Variants in RAP1GAP observed in about 807,000 individuals in gnomAD.
RAP1GAP encodes rap1 GTPase-activating protein 1.
A neutral mutation model predicts 87.2 loss-of-function variants in RAP1GAP; 35 were observed. The ratio of observed to expected loss-of-function variants is 0.40; its 90% CI spans 0.31 to 0.53. The LOEUF is 0.53. Among genes scored for constraint, RAP1GAP ranks in the 20% least tolerant of loss-of-function variants. RAP1GAP has a pLI of 0.48. For missense variants in RAP1GAP, 734 were observed against 898.9 expected (o/e 0.82, Z 2.35); for synonymous variants, 375 against 363.9 (o/e 1.03, Z -0.35).
chr1:21,664,169 C>T (rs2097260007), intron 1 of RAP1GAP, among the ~76,000 whole-genome samples: 1 of 152,198 alleles, frequency 6.6e-6, no homozygotes, highest in Non-Finnish European at 1.5e-5. Flanking sequence ...CTCATAGCAA[C>T]CTAGTTCCCG....
At chr1:21,665,827 G>A (rs1289903733) in intron 1 of RAP1GAP, among the ~76,000 whole-genome samples, 1 of 152,246 alleles carries the variant, frequency 6.6e-6, no homozygotes, top group Non-Finnish European at 1.5e-5. Flanking sequence ...TGGCCCTAGT[G>A]TGGATCCAGA....
intron 21 of RAP1GAP, 102 bp from the exon 22 acceptor site, chr1:21,598,604 C>T (rs552824346): frequency 8.4e-6 from 8 of 955,060 alleles, no homozygotes; most frequent in East Asian, 2.6e-5. Context: ...CACAACCCCC[C>T]ACCCGTACCC....
chr1:21,655,441 C>A (rs1044241559), intron 1 of RAP1GAP, among the ~76,000 whole-genome samples: 1 of 152,218 alleles, frequency 6.6e-6, no homozygotes, highest in African/African-American at 2.4e-5. Flanking sequence ...GGCTCTGATG[C>A]TTCCTAGCTG....
chr1:21,642,133 T>C (rs1262455266), intron 2 of RAP1GAP, among the ~76,000 whole-genome samples: 1 of 152,208 alleles, frequency 6.6e-6, no homozygotes, highest in Non-Finnish European at 1.5e-5. Context: ...CCAAAGCCAG[T>C]GTTCTCAGGG....
chr1:21,640,669 C>A (rs147376235), intron 2 of RAP1GAP, among the ~76,000 whole-genome samples: 3 of 152,228 alleles, frequency 2.0e-5, no homozygotes, highest in Non-Finnish European at 4.4e-5. Flanking sequence ...GCAGCAGTTC[C>A]CTTACCCCCG....
chr1:21,663,802 C>A (rs745526804), intron 1 of RAP1GAP, among the ~76,000 whole-genome samples: 18 of 152,200 alleles, frequency 1.2e-4, no homozygotes, highest in Non-Finnish European at 2.4e-4. Context: ...AAGGTCACAG[C>A]CTCTGAGGTG....
chr1:21,602,557 G>A (rs140948571), intron 19 of RAP1GAP, among the ~76,000 whole-genome samples: 7 of 152,346 alleles, frequency 4.6e-5, no homozygotes, highest in African/African-American at 1.7e-4. Context: ...GCCCATCACT[G>A]GCTGTGTGAT....
intron 2 of RAP1GAP, among the ~76,000 whole-genome samples, chr1:21,647,457 C>T (rs1312465096): frequency 6.6e-6 from 1 of 152,120 alleles, no homozygotes; most frequent in Non-Finnish European, 1.5e-5. Flanking sequence ...GAGTGAGACC[C>T]TGTCTCCAAA....
intron 24 of RAP1GAP, 80 bp downstream of exon 24, chr1:21,597,600 GACAGAA>G: frequency 1.5e-6 from 2 of 1,331,590 alleles, no homozygotes; most frequent in Non-Finnish European, 2.0e-6. Flanking sequence ...CCAGAGAGGT[GACAGAA>G]GAACAGGGAG....
intron 2 of RAP1GAP, among the ~76,000 whole-genome samples, chr1:21,646,304 T>A (rs2096054534): frequency 6.6e-6 from 1 of 152,204 alleles, no homozygotes; most frequent in South Asian, 2.1e-4. Flanking sequence ...CAGGGCTACA[T>A]CACTCCCCGC....
At position 21,601,267 on chromosome 1, in the gene RAP1GAP, A is replaced by G. The variant is rs566766720; in HGVS notation, c.1652+417T>C. Among the ~76,000 whole-genome samples the G allele has an allele frequency of 2.7e-4, 41 of 152,150 alleles. No individual in the cohort carries two copies. In the South Asian group the frequency reaches 8.5e-3, roughly 32 times the overall value. ...CGAGCTCCTCTGCCATGCCAGTCCT[A>G]GCAGGGCTGGTTCAGTTCCCAATTC... On this transcript the variant is annotated intron_variant, in intron 20 of 24. Transcript: ENST00000374765.
At chr1:21,653,908 C>A (rs2096752511) in intron 1 of RAP1GAP, among the ~76,000 whole-genome samples, 1 of 152,248 alleles carries the variant, frequency 6.6e-6, no homozygotes, top group African/African-American at 2.4e-5. Flanking sequence ...AGCCAAGGGG[C>A]CGCCAACGTG....
chr1:21,600,149 G>A (rs2066973994), intron 20 of RAP1GAP, among the ~76,000 whole-genome samples: 1 of 152,114 alleles, frequency 6.6e-6, no homozygotes, highest in Admixed American at 6.5e-5. Context: ...AATCCCACAA[G>A]GTTTTCATGC....
At chr1:21,639,890 G>C (rs1343513771) in intron 2 of RAP1GAP, among the ~76,000 whole-genome samples, 3 of 152,192 alleles carry the variant, frequency 2.0e-5, no homozygotes, top group Non-Finnish European at 4.4e-5. Context: ...GGCCCCGGCA[G>C]GAGCGTGAAT....
At chr1:21,624,938 C>A (rs541514932) in intron 3 of RAP1GAP, among the ~76,000 whole-genome samples, 1 of 152,308 alleles carries the variant, frequency 6.6e-6, no homozygotes, top group South Asian at 2.1e-4. Flanking sequence ...GAACCCAGGG[C>A]TCCTCCTGAG....
At chr1:21,597,860 AG>A in intron 23 of RAP1GAP, 100 bp downstream of exon 23, 1 of 1,500,776 alleles carries the variant, frequency 6.7e-7, no homozygotes, top group Non-Finnish European at 9.1e-7. Flanking sequence ...AGCGGGGCCT[AG>A]GGGGACCTCT....
chr1:21,643,556 C>CAAAAAAAAAAAAAAAAA (rs58359978), intron 2 of RAP1GAP, among the ~76,000 whole-genome samples: 1 of 66,478 alleles, frequency 1.5e-5, no homozygotes, highest in African/African-American at 5.7e-5. Flanking sequence ...GACTCCGTCT[C>CAAAAAAAAAAAAAAAAA]AAAAAAAAAA....
At position 21,603,841 on chromosome 1, in the gene RAP1GAP, C is replaced by T. The variant is rs1558622711; in HGVS notation, c.1429-928G>A. The T allele has an allele frequency of 6.2e-7, 1 of 1,610,062 alleles. No homozygotes were observed. On this transcript the variant is annotated intron_variant, in intron 18 of 24. Transcript: ENST00000374765. This position sits in a 1 kb window ranked among gnomAD's most constrained non-coding sequence, Gnocchi z 6.0. Reference sequence around the variant, plus strand: ...CGGCCCCGCGGACGACAACCTCTTCCACGGTTCCTATGCCTATGGCACTGC... The same window carrying T: ...CGGCCCCGCGGACGACAACCTCTTCTACGGTTCCTATGCCTATGGCACTGC...
chr1:21,621,532 A>ACACCTTGACCCATGGT (rs2087555252), intron 3 of RAP1GAP, among the ~76,000 whole-genome samples: 1 of 152,204 alleles, frequency 6.6e-6, no homozygotes, highest in African/African-American at 2.4e-5. Context: ...AGTCCATAGG[A>ACACCTTGACCCATGGT]CACCTTGACC....
Sources: gnomAD v4.1 joint callset for allele counts (sites outside exome capture counted in the v4.1 genomes callset) on GRCh38, gnomAD v4.1.1 for gene constraint, Gnocchi (gnomAD v3.1) non-coding constraint, MANE v1.5 for transcripts, NCBI Gene and HGNC (gene_info 2026-07-23, HGNC 2026-07-21) for gene names.